PARP8: variants seen among roughly 807,000 people sequenced by gnomAD.
PARP8 encodes the protein protein mono-ADP-ribosyltransferase PARP8.
Under a neutral mutation model 124.1 loss-of-function variants are expected in PARP8, and 51 were observed. That is an observed-to-expected ratio of 0.41 (90% confidence interval 0.33 to 0.52). The LOEUF (loss-of-function observed/expected upper bound fraction) is 0.52, where lower values mean the gene tolerates loss of function less well. Among genes scored for constraint, PARP8 ranks in the 20% least tolerant of loss-of-function variants. PARP8 has a pLI of 0.21. For synonymous variants in PARP8, 391 were observed against 361.5 expected, an observed-to-expected ratio of 1.08 and a Z score of -0.93; for missense variants, 860 against 1,018.9, an observed-to-expected ratio of 0.84 and a Z score of 2.12.
intron 2 of PARP8, among the ~76,000 whole-genome samples, chr5:50,708,843 A>G (rs961252273): frequency 2.0e-5 from 3 of 151,876 alleles, no homozygotes; most frequent in South Asian, 2.1e-4. Context: ...GTGCAGTGGC[A>G]TAATCATAGC....
At chr5:50,841,643 T>C (rs1221069571) in intron 25 of PARP8, among the ~76,000 whole-genome samples, 1 of 151,802 alleles carries the variant, frequency 6.6e-6, no homozygotes, top group African/African-American at 2.4e-5. Flanking sequence ...CTGTTATATT[T>C]TTTTATAGTA....
At chr5:50,821,413 T>G in intron 16 of PARP8, 75 bp downstream of exon 16, 2 of 1,463,710 alleles carry the variant, frequency 1.4e-6, no homozygotes, top group Non-Finnish European at 1.9e-6. Flanking sequence ...TGTAGTCTCA[T>G]TAGGTTTCCT....
intron 4 of PARP8, 72 bp from the exon 5 acceptor site, chr5:50,760,220 C>A (rs1277251809): frequency 1.6e-6 from 2 of 1,276,282 alleles, no homozygotes; most frequent in East Asian, 5.7e-5. Flanking sequence ...AGTTTTATAC[C>A]AAAACTTATG....
chr5:50,840,547 A>G (rs1490048956), intron 25 of PARP8, among the ~76,000 whole-genome samples: 6 of 151,898 alleles, frequency 4.0e-5, no homozygotes. Flanking sequence ...AATTTGTGTT[A>G]TCTGTAGCAA....
rs181832642 is a variant in PARP8 at position 50,733,914 on chromosome 5, C to T, written c.147-16237C>T. ...CTGGTACGTTCTCAAATACTGCACA[C>T]TTCCCTCCAAAAGCGTAACTTAAGT... is the stretch of plus-strand genomic sequence containing the variant. On this transcript the variant is annotated intron_variant, in intron 2 of 25. Transcript: ENST00000281631. Among the ~76,000 whole-genome samples, 10 of 152,286 alleles carry T rather than the reference C, an allele frequency of 6.6e-5. No individual in the cohort carries two copies. In the East Asian group the frequency reaches 1.7e-3, roughly 26 times the overall value.
intron 2 of PARP8, among the ~76,000 whole-genome samples, chr5:50,733,308 A>G (rs1757166478): frequency 6.6e-6 from 1 of 152,052 alleles, no homozygotes; most frequent in Non-Finnish European, 1.5e-5. Context: ...ACCAAAACAA[A>G]AAAAAAATAA....
intron 2 of PARP8, among the ~76,000 whole-genome samples, chr5:50,729,110 C>T (rs1756723640): frequency 6.6e-6 from 1 of 152,058 alleles, no homozygotes; most frequent in Admixed American, 6.6e-5. Flanking sequence ...TCTCATTCAC[C>T]TAACAAAATA....
chr5:50,810,037 C>A (rs1244067665), intron 14 of PARP8, among the ~76,000 whole-genome samples: 1 of 151,854 alleles, frequency 6.6e-6, no homozygotes, highest in Non-Finnish European at 1.5e-5. Context: ...ATTTAAATTG[C>A]TTTGATTCAA....
At chr5:50,733,986 A>G (rs1244406124) in intron 2 of PARP8, among the ~76,000 whole-genome samples, 1 of 152,202 alleles carries the variant, frequency 6.6e-6, no homozygotes, top group Non-Finnish European at 1.5e-5. Flanking sequence ...CATACCGTGA[A>G]CAGTAACTGA....
chr5:50,762,410 C>CACAT (rs2149579403), intron 6 of PARP8, among the ~76,000 whole-genome samples: 1 of 151,928 alleles, frequency 6.6e-6, no homozygotes, highest in Admixed American at 6.6e-5. Flanking sequence ...ATAGCCTAGC[C>CACAT]ACATATATAA....
At position 50,835,023 on chromosome 5, in the gene PARP8, G is replaced by A; in HGVS notation, c.2462+8G>A. On this transcript the variant is annotated splice_region_variant and intron_variant, in intron 25 of 25. Transcript: ENST00000281631. Reference sequence around the variant, plus strand: ...CACACGATTCTTTTTCGTGTAAGTGGAAATGCTCAAATTTGTATATTACTG... The same window carrying A: ...CACACGATTCTTTTTCGTGTAAGTGAAAATGCTCAAATTTGTATATTACTG... 1 of 1,609,036 alleles carries A rather than the reference G, an allele frequency of 6.2e-7. No individual in the cohort carries two copies. Among genetic ancestry groups the A allele is most frequent in the Non-Finnish European group, 8.5e-7 (1 of 1,176,440 alleles).
At chr5:50,715,653 T>G (rs2149494390) in intron 2 of PARP8, among the ~76,000 whole-genome samples, 1 of 152,182 alleles carries the variant, frequency 6.6e-6, no homozygotes, top group Non-Finnish European at 1.5e-5. Flanking sequence ...CAGACAGTAG[T>G]AACAAGGGGA....
chr5:50,822,252 T>A, intron 16 of PARP8, 83 bp from the exon 17 acceptor site: 1 of 959,684 alleles, frequency 1.0e-6, no homozygotes, highest in Non-Finnish European at 1.7e-6. Context: ...CATATGGAAA[T>A]AATATATTTC....
intron 2 of PARP8, among the ~76,000 whole-genome samples, chr5:50,716,365 TCTC>T (rs1489265603): frequency 2.0e-5 from 3 of 152,200 alleles, no homozygotes; most frequent in Admixed American, 6.5e-5. Context: ...TTGGGCGGCT[TCTC>T]CTCTGTGAAG....
intron 2 of PARP8, among the ~76,000 whole-genome samples, chr5:50,680,011 C>T (rs544328094): frequency 6.6e-6 from 1 of 152,252 alleles, no homozygotes; most frequent in Admixed American, 6.5e-5. Context: ...AAAAAGGTGG[C>T]TGGAACAACT....
At chr5:50,801,712 G>C (rs759421865) in intron 14 of PARP8, among the ~76,000 whole-genome samples, 1 of 152,122 alleles carries the variant, frequency 6.6e-6, no homozygotes, top group African/African-American at 2.4e-5. Context: ...TATGAAAGTG[G>C]GGGTATTGAA....
chr5:50,689,638 G>A (rs1752276823), intron 2 of PARP8, among the ~76,000 whole-genome samples: 1 of 152,208 alleles, frequency 6.6e-6, no homozygotes, highest in Non-Finnish European at 1.5e-5. Flanking sequence ...GTGAAGAGGA[G>A]TGAAAGGAAT....
intron 14 of PARP8, among the ~76,000 whole-genome samples, chr5:50,797,836 C>T (rs1284081883): frequency 6.6e-6 from 1 of 152,128 alleles, no homozygotes. Context: ...TTATAAGTCA[C>T]TACTTAAAGT....
intron 3 of PARP8, among the ~76,000 whole-genome samples, chr5:50,753,270 C>A (rs1759460843): frequency 6.6e-6 from 1 of 151,958 alleles, no homozygotes; most frequent in South Asian, 2.1e-4. Flanking sequence ...TGGGAGTGGA[C>A]TCTCTTATCC....
Sources: allele counts gnomAD v4.1 joint callset (sites outside exome capture counted in the v4.1 genomes callset), GRCh38; gene constraint gnomAD v4.1.1; transcripts MANE v1.5; gene names NCBI Gene and HGNC (gene_info 2026-07-23, HGNC 2026-07-21).